The following NR3C2 variants were observed in gnomAD, a reference collection of about 807,000 sequenced individuals.
The protein encoded by NR3C2 is nuclear receptor subfamily 3 group C member 2, also known as mineralocorticoid receptor.
NR3C2 carries 15 observed loss-of-function variants against 86.4 expected under a neutral mutation model. The ratio of observed to expected loss-of-function variants is 0.17; its 90% CI spans 0.12 to 0.27. NR3C2 has a LOEUF of 0.27. Ranked by LOEUF, NR3C2 falls within the 10% of genes least tolerant of loss-of-function variation. NR3C2 has a pLI of 1.00. For synonymous variants in NR3C2, 458 were observed against 450.5 expected (o/e 1.02, Z -0.21); for missense variants, 960 against 1,195.6 (o/e 0.80, Z 2.91).
intron 2 of NR3C2, among the ~76,000 whole-genome samples, chr4:148,302,027 G>A (rs1199549553): frequency 6.6e-6 from 1 of 152,158 alleles, no homozygotes; most frequent in Non-Finnish European, 1.5e-5. Flanking sequence ...AAACCACAGA[G>A]ATAACCAGAT....
intron 3 of NR3C2, among the ~76,000 whole-genome samples, chr4:148,258,161 G>A (rs1325798028): frequency 6.6e-6 from 1 of 152,190 alleles, no homozygotes; most frequent in African/African-American, 2.4e-5. Context: ...CTGGCCAACT[G>A]CCTGCTCCAA....
At chr4:148,243,789 C>G (rs1035375600) in intron 3 of NR3C2, among the ~76,000 whole-genome samples, 1 of 152,204 alleles carries the variant, frequency 6.6e-6, no homozygotes, top group African/African-American at 2.4e-5. Context: ...TAGTATAGAG[C>G]ATTTGGCACC....
At chr4:148,141,155 G>A (rs538844199) in intron 6 of NR3C2, among the ~76,000 whole-genome samples, 13 of 152,042 alleles carry the variant, frequency 8.6e-5, no homozygotes, top group African/African-American at 2.7e-4. Flanking sequence ...TTTTGCGGCC[G>A]GGTGTGGTGG....
chr4:148,253,937 T>C (rs2149863854), intron 3 of NR3C2, among the ~76,000 whole-genome samples: 1 of 152,286 alleles, frequency 6.6e-6, no homozygotes, highest in Admixed American at 6.5e-5. Flanking sequence ...CTTTCATCCC[T>C]TGCCCTCAGA....
At chr4:148,235,525 T>G (rs1738706672) in intron 3 of NR3C2, among the ~76,000 whole-genome samples, 1 of 152,172 alleles carries the variant, frequency 6.6e-6, no homozygotes, top group African/African-American at 2.4e-5. Flanking sequence ...TTCGGTGGAC[T>G]TTTCTTAAAG....
intron 6 of NR3C2, among the ~76,000 whole-genome samples, chr4:148,137,328 T>G (rs1290518959): frequency 1.3e-5 from 2 of 152,140 alleles, no homozygotes; most frequent in African/African-American, 4.8e-5. Context: ...TGTGATGTGA[T>G]CTTAGGTAAT....
chr4:148,426,716 C>A (rs1269865167), intron 2 of NR3C2, among the ~76,000 whole-genome samples: 1 of 152,188 alleles, frequency 6.6e-6, no homozygotes, highest in Non-Finnish European at 1.5e-5. Flanking sequence ...CATTCCCTCC[C>A]TGGGTAATAT....
At chr4:148,417,084 GT>G (rs1300900510) in intron 2 of NR3C2, among the ~76,000 whole-genome samples, 2 of 152,052 alleles carry the variant, frequency 1.3e-5, no homozygotes, top group South Asian at 4.1e-4. Context: ...GCCTGTATTT[GT>G]TTTTCTATGA....
At position 148,252,662 on chromosome 4, in the gene NR3C2, A is replaced by T. The variant is rs996743303; in HGVS notation, c.1897+7316T>A. Among the ~76,000 whole-genome samples the T allele has an allele frequency of 2.0e-5, 3 of 152,364 alleles. No homozygotes were observed. The South Asian group carries it at 6.2e-4, about 32-fold the overall frequency. On this transcript the variant is annotated intron_variant, in intron 3 of 8. Transcript: ENST00000358102. ...CTAGTTTTTAAGAACATCATAAGTC[A>T]GGTGACTGTTCATTGGCTTTGGGTT...
At chr4:148,128,999 A>G (rs1479294441) in intron 6 of NR3C2, among the ~76,000 whole-genome samples, 1 of 152,216 alleles carries the variant, frequency 6.6e-6, no homozygotes, top group Non-Finnish European at 1.5e-5. Flanking sequence ...AGGCCTGGAA[A>G]AAGCTTCTTT....
At chr4:148,147,664 A>T (rs1733930769) in intron 6 of NR3C2, among the ~76,000 whole-genome samples, 1 of 152,190 alleles carries the variant, frequency 6.6e-6, no homozygotes, top group African/African-American at 2.4e-5. Context: ...TTGGTGGGAG[A>T]GCAAGGGAGG....
intron 3 of NR3C2, among the ~76,000 whole-genome samples, chr4:148,222,859 C>G (rs1737930721): frequency 6.6e-6 from 1 of 152,104 alleles, no homozygotes; most frequent in African/African-American, 2.4e-5. Flanking sequence ...CAGGATTACA[C>G]AGCCATTTCA....
intron 2 of NR3C2, among the ~76,000 whole-genome samples, chr4:148,402,836 GA>G (rs1748237001): frequency 6.6e-6 from 1 of 152,012 alleles, no homozygotes. Flanking sequence ...CACCTGACAT[GA>G]AAATAAGTCC....
chr4:148,381,908 C>T (rs943689219), intron 2 of NR3C2, among the ~76,000 whole-genome samples: 1 of 152,174 alleles, frequency 6.6e-6, no homozygotes, highest in African/African-American at 2.4e-5. Context: ...AGTCTCCTTG[C>T]CTAGAATTTT....
chr4:148,436,234 T>A lies in NR3C2; in HGVS notation c.627A>T (p.Gly209=), dbSNP rs370008309. The A allele has an allele frequency of 6.2e-7, 1 of 1,614,158 alleles. No individual in the cohort carries two copies. Among genetic ancestry groups the A allele is most frequent in the African/African-American group, 1.3e-5 (1 of 75,036 alleles). Residue 209 remains glycine (G), a synonymous_variant, in exon 2 of 9, where the codon GGA becomes GGT. Coordinates refer to ENST00000358102, the MANE Select transcript of NR3C2 (RefSeq NM_000901.5). ...CTGTGGTGGAGGACACAGAGTTGATTCCAGCAGGGCTGCAAACCGAAGATG... is the reference window on the plus strand; with the variant it reads ...CTGTGGTGGAGGACACAGAGTTGATACCAGCAGGGCTGCAAACCGAAGATG... ...NMTSSVCSPA[G]INSVSSTTAS... is the part of the protein sequence containing the mutation.
At chr4:148,149,085 C>A in intron 6 of NR3C2, among the ~76,000 whole-genome samples, 1 of 152,022 alleles carries the variant, frequency 6.6e-6, no homozygotes, top group Non-Finnish European at 1.5e-5. Context: ...CAATTGTTTC[C>A]CCAGAATAGT....
intron 4 of NR3C2, among the ~76,000 whole-genome samples, chr4:148,185,716 T>C (rs1187321153): frequency 1.3e-5 from 2 of 152,200 alleles, no homozygotes; most frequent in African/African-American, 4.8e-5. Flanking sequence ...CTTTCTAAAA[T>C]AGCATATTTT....
intron 7 of NR3C2, among the ~76,000 whole-genome samples, chr4:148,115,932 A>G (rs1732255902): frequency 1.3e-5 from 2 of 152,220 alleles, no homozygotes; most frequent in Non-Finnish European, 2.9e-5. Context: ...AAAAAAACAA[A>G]AAGAACAGTA....
intron 2 of NR3C2, among the ~76,000 whole-genome samples, chr4:148,375,263 C>A (rs1174124881): frequency 1.3e-5 from 2 of 152,072 alleles, no homozygotes; most frequent in Non-Finnish European, 2.9e-5. Flanking sequence ...CGAAACCAGC[C>A]TGGCCAACAT....
Sources: allele counts gnomAD v4.1 joint callset (sites outside exome capture counted in the v4.1 genomes callset), GRCh38; gene constraint gnomAD v4.1.1; transcripts MANE v1.5; gene names NCBI Gene and HGNC (gene_info 2026-07-23, HGNC 2026-07-21).